Variants in DOCK8 observed in about 807,000 individuals in gnomAD.
The protein encoded by DOCK8 is dedicator of cytokinesis protein 8.
A neutral mutation model predicts 245.6 loss-of-function variants in DOCK8; 141 were observed. The observed-to-expected ratio is 0.57, with a 90% confidence interval of 0.50 to 0.66. DOCK8 has a LOEUF of 0.66. DOCK8 is among the 30% of genes least tolerant of loss of function. DOCK8 has a pLI of 0.00. For missense variants in DOCK8, 2,965 were observed against 2,603.4 expected (o/e 1.14, Z -3.02); for synonymous variants, 1,168 against 970.2 (o/e 1.20, Z -3.79).
intron 26 of DOCK8, among the ~76,000 whole-genome samples, chr9:403,293 G>A (rs1015704844): frequency 2.6e-5 from 4 of 152,082 alleles, no homozygotes; most frequent in South Asian, 2.1e-4. Flanking sequence ...TCCGATAGCC[G>A]GCTTGACCCG....
intron 5 of DOCK8, among the ~76,000 whole-genome samples, chr9:308,494 G>A (rs2049948016): frequency 6.6e-6 from 1 of 152,160 alleles, no homozygotes; most frequent in Non-Finnish European, 1.5e-5. Context: ...TGAGTAGAAT[G>A]GTGAGGCCAC....
chr9:348,004 T>G (rs1002253096), intron 14 of DOCK8, among the ~76,000 whole-genome samples: 5 of 152,212 alleles, frequency 3.3e-5, no homozygotes, highest in African/African-American at 1.2e-4. Flanking sequence ...GCCCTTGAAG[T>G]GCAAGACCAG....
chr9:390,636 A>G lies in DOCK8; in HGVS notation c.2970+70A>G, dbSNP rs10814649. The G allele has an allele frequency of 0.21, 316,775 of 1,483,074 alleles. 35,650 individuals are homozygous for G. Among genetic ancestry groups the G allele is most frequent in the South Asian group, 0.25 (21,924 of 88,014 alleles). 91.9% of individuals were successfully genotyped at this position (1,483,074 alleles called of 1,614,324 possible). A position where few individuals can be genotyped will look rare whatever the true frequency, so the allele number is the denominator to read the frequency against. On this transcript the variant is annotated intron_variant, in intron 24 of 47. Coordinates refer to ENST00000432829, the MANE Select transcript of DOCK8 (RefSeq NM_203447.4). ...AAGCACACAGCAGAAAGGAATTGAC[A>G]TTTTGTTCACTGAGTTGCCCCTGCT...
chr9:262,848 A>G (rs1443896273), intron 1 of DOCK8, among the ~76,000 whole-genome samples: 1 of 151,984 alleles, frequency 6.6e-6, no homozygotes, highest in Non-Finnish European at 1.5e-5. Context: ...ATAAGTAACA[A>G]TTTTTTAAAA....
At chr9:356,443 T>C (rs918218639) in intron 14 of DOCK8, among the ~76,000 whole-genome samples, 42 of 149,852 alleles carry the variant, frequency 2.8e-4, no homozygotes, top group African/African-American at 1.0e-3. Context: ...GGCAGGAGAA[T>C]AGCGTGAACC....
At chr9:389,757 C>G (rs1318936799) in intron 23 of DOCK8, among the ~76,000 whole-genome samples, 1 of 152,010 alleles carries the variant, frequency 6.6e-6, no homozygotes, top group South Asian at 2.1e-4. Flanking sequence ...GGCTCACACC[C>G]GTAATCCCAG....
At chr9:421,557 C>T (rs1225083581) in intron 32 of DOCK8, among the ~76,000 whole-genome samples, 2 of 152,262 alleles carry the variant, frequency 1.3e-5, no homozygotes, top group East Asian at 3.9e-4. Context: ...AGGATTCCAC[C>T]ACAGGAGGAA....
chr9:276,615 G>A (rs1004622255), intron 2 of DOCK8, among the ~76,000 whole-genome samples: 1 of 152,114 alleles, frequency 6.6e-6, no homozygotes, highest in Non-Finnish European at 1.5e-5. Context: ...TTGTGACCAG[G>A]GCTAGAAGGC....
At chr9:315,410 C>G (rs1339308304) in intron 6 of DOCK8, among the ~76,000 whole-genome samples, 1 of 152,064 alleles carries the variant, frequency 6.6e-6, no homozygotes, top group African/African-American at 2.4e-5. Context: ...ATATATCACC[C>G]AAATGTCATA....
At chr9:456,987 G>A (rs1564091143) in intron 46 of DOCK8, 1 of 152,168 alleles carries the variant, frequency 6.6e-6, no homozygotes, top group South Asian at 2.1e-4. Flanking sequence ...CAGCATATAT[G>A]TGGTCATAGG....
intron 14 of DOCK8, among the ~76,000 whole-genome samples, chr9:357,181 C>G (rs1452012745): frequency 2.0e-5 from 3 of 152,204 alleles, no homozygotes; most frequent in Admixed American, 6.5e-5. Context: ...CAATCTCTCA[C>G]TCAAAAGGAA....
At chr9:241,433 A>G (rs898651210) in intron 1 of DOCK8, among the ~76,000 whole-genome samples, 4 of 152,004 alleles carry the variant, frequency 2.6e-5, no homozygotes, top group East Asian at 1.9e-4. Flanking sequence ...TTTTACTTCT[A>G]TGAGATCGAA....
At chr9:215,616 A>T (rs916757763) in intron 1 of DOCK8, 31 of 543,984 alleles carry the variant, frequency 5.7e-5, no homozygotes, top group African/African-American at 1.8e-4. Flanking sequence ...GTGATTTTTT[A>T]AAAAATCTAC....
At chr9:336,479 T>C in intron 11 of DOCK8, 103 bp from the exon 12 acceptor site, 1 of 1,484,752 alleles carries the variant, frequency 6.7e-7, no homozygotes, top group Non-Finnish European at 9.3e-7. Flanking sequence ...CCATATTCAG[T>C]GTTCCTGATC....
At chr9:261,768 C>A (rs532134614) in intron 1 of DOCK8, among the ~76,000 whole-genome samples, 2 of 151,988 alleles carry the variant, frequency 1.3e-5, no homozygotes, top group African/African-American at 4.8e-5. Context: ...TATTTTGAGC[C>A]TATATTACTT....
rs944031300 is a variant in DOCK8 at position 395,998 on chromosome 9, T to G, written c.2971-787T>G. Among the ~76,000 whole-genome samples the G allele has an allele frequency of 3.3e-5, 5 of 152,256 alleles. No homozygotes were observed. In the South Asian group the frequency reaches 8.3e-4, roughly 25 times the overall value. On this transcript the variant is annotated intron_variant, in intron 24 of 47. Coordinates refer to ENST00000432829, the MANE Select transcript of DOCK8 (RefSeq NM_203447.4). ...ACACCAGTTTGTGTCAATTGGTGACTTGTATTGACACAAAGATATCTATAT... is the reference window on the plus strand; with the variant it reads ...ACACCAGTTTGTGTCAATTGGTGACGTGTATTGACACAAAGATATCTATAT...
intron 4 of DOCK8, among the ~76,000 whole-genome samples, chr9:303,296 A>G (rs113827858): frequency 9.8e-5 from 15 of 152,374 alleles, no homozygotes; most frequent in African/African-American, 3.1e-4. Flanking sequence ...TCTATACCCA[A>G]AGGAAAATAA....
At chr9:221,760 T>TG (rs1433696709) in intron 1 of DOCK8, among the ~76,000 whole-genome samples, 1 of 151,378 alleles carries the variant, frequency 6.6e-6, no homozygotes, top group Non-Finnish European at 1.5e-5. Context: ...AGGCGGAAGT[T>TG]GCAGTGAGCC....
chr9:400,863 C>A (rs200355095), intron 26 of DOCK8, among the ~76,000 whole-genome samples: 1 of 78,470 alleles, frequency 1.3e-5, no homozygotes, highest in Admixed American at 1.3e-4. Context: ...ACCACCTCCT[C>A]CACCATCACC....
Sources: gnomAD v4.1 joint callset for allele counts (sites outside exome capture counted in the v4.1 genomes callset) on GRCh38, gnomAD v4.1.1 for gene constraint, MANE v1.5 for transcripts, NCBI Gene and HGNC (gene_info 2026-07-23, HGNC 2026-07-21) for gene names.